Variants in ITGB8 observed in about 807,000 individuals in gnomAD.
ITGB8 encodes integrin subunit beta 8.
A neutral mutation model predicts 89.5 loss-of-function variants in ITGB8; 30 were observed. The observed-to-expected ratio is 0.34, with a 90% CI of 0.25 to 0.45. The LOEUF (loss-of-function observed/expected upper bound fraction) is 0.45, where lower values mean the gene tolerates loss of function less well. ITGB8 is among the 20% of genes least tolerant of loss of function. The pLI is 1.00. For missense variants in ITGB8, 836 were observed against 933.3 expected, an observed-to-expected ratio of 0.90 and a Z score of 1.36; for synonymous variants, 335 against 320.4, an observed-to-expected ratio of 1.05 and a Z score of -0.49.
At chr7:20,407,199 G>A (rs937839678) in intron 12 of ITGB8, among the ~76,000 whole-genome samples, 1 of 152,052 alleles carries the variant, frequency 6.6e-6, no homozygotes, top group Non-Finnish European at 1.5e-5. Flanking sequence ...CAGCTGTGTA[G>A]ATGAGAGGGG....
At position 20,407,262 on chromosome 7, in the gene ITGB8, TA is replaced by T. The variant is rs374247215; in HGVS notation, c.2023+1097del. On this transcript the variant is annotated intron_variant, in intron 12 of 13. Coordinates refer to ENST00000222573, the MANE Select transcript of ITGB8 (RefSeq NM_002214.3). Reference sequence around the variant, plus strand: ...CAAGCATACTCATCTCTGGGAGATTTAAAAAACTGAATCGCAAACTCATTAT... The same window carrying T: ...CAAGCATACTCATCTCTGGGAGATTTAAAAACTGAATCGCAAACTCATTAT... Among the ~76,000 whole-genome samples the T allele has an allele frequency of 2.7e-4, 31 of 113,094 alleles. No homozygotes were observed. In the East Asian group the frequency reaches 3.9e-3, roughly 14 times the overall value. The allele number at this position is 113,094 out of a possible 152,430, so 74.2% of individuals were successfully genotyped here. A position where few individuals can be genotyped will look rare whatever the true frequency, so the allele number is the denominator to read the frequency against.
chr7:20,349,346 G>A (rs771218303), intron 1 of ITGB8, among the ~76,000 whole-genome samples: 1 of 151,536 alleles, frequency 6.6e-6, no homozygotes, highest in Non-Finnish European at 1.5e-5. Flanking sequence ...TGGTGCTGAA[G>A]TAATTGCGGT....
chr7:20,405,817 T>A (rs970075777), intron 11 of ITGB8, among the ~76,000 whole-genome samples: 1 of 152,222 alleles, frequency 6.6e-6, no homozygotes, highest in Non-Finnish European at 1.5e-5. Flanking sequence ...TTATTCAACA[T>A]TTTAAACCAT....
intron 6 of ITGB8, among the ~76,000 whole-genome samples, chr7:20,382,311 G>C (rs1237958178): frequency 1.3e-5 from 2 of 152,132 alleles, no homozygotes; most frequent in Non-Finnish European, 2.9e-5. Flanking sequence ...AGGGAAAAAA[G>C]ACAAGAGAGA....
At position 20,363,822 on chromosome 7, in the gene ITGB8, TAAAG is replaced by T. The variant is rs1489467673; in HGVS notation, c.213+102_213+105del. ...TGCCTTGAAGGTGCATCAGGAAAAA[TAAAG>T]ATACTGCTGAACATAAGGAAAATTT... is the stretch of plus-strand genomic sequence containing the variant. On this transcript the variant is annotated intron_variant, in intron 2 of 13. Transcript: ENST00000222573. The T allele has an allele frequency of 1.5e-4, 84 of 555,374 alleles. No homozygotes were observed. The African/African-American group carries it at 1.5e-3, about 10-fold the overall frequency. The allele number at this position is 555,374 out of a possible 1,614,324, so 34.4% of individuals were successfully genotyped here.
intron 3 of ITGB8, among the ~76,000 whole-genome samples, chr7:20,369,430 T>G (rs946236413): frequency 6.6e-6 from 1 of 152,112 alleles, no homozygotes; most frequent in Non-Finnish European, 1.5e-5. Context: ...AGAGAGAAAG[T>G]GATCAAGAGA....
intron 1 of ITGB8, among the ~76,000 whole-genome samples, chr7:20,338,114 C>T (rs1287368181): frequency 6.6e-6 from 1 of 152,194 alleles, no homozygotes; most frequent in African/African-American, 2.4e-5. Context: ...TGCCCAGTTC[C>T]TAACTAGAAA....
intron 1 of ITGB8, among the ~76,000 whole-genome samples, chr7:20,361,641 G>C (rs1056375555): frequency 6.6e-6 from 1 of 152,134 alleles, no homozygotes; most frequent in Non-Finnish European, 1.5e-5. Context: ...AATTTGGGGG[G>C]ACACACTCAG....
intron 1 of ITGB8, among the ~76,000 whole-genome samples, chr7:20,341,881 G>C (rs528510482): frequency 6.7e-6 from 1 of 148,524 alleles, no homozygotes; most frequent in South Asian, 2.1e-4. Flanking sequence ...TTAGGTATAT[G>C]TTTGAGTTAA....
At chr7:20,332,268 C>T (rs1784430251) in intron 1 of ITGB8, among the ~76,000 whole-genome samples, 1 of 152,180 alleles carries the variant, frequency 6.6e-6, no homozygotes, top group Admixed American at 6.5e-5. Flanking sequence ...TTAAGGGCAT[C>T]GTCTGTACAC....
At chr7:20,370,121 AAAG>A (rs1182831748) in intron 3 of ITGB8, among the ~76,000 whole-genome samples, 4 of 151,930 alleles carry the variant, frequency 2.6e-5, no homozygotes, top group Non-Finnish European at 4.4e-5. Flanking sequence ...AATAGGAAAA[AAAG>A]AATAAAATGG....
chr7:20,398,781 A>G, intron 8 of ITGB8, 79 bp from the exon 9 acceptor site: 3 of 1,033,986 alleles, frequency 2.9e-6, no homozygotes, highest in Non-Finnish European at 4.0e-6. Flanking sequence ...ATCTATAATG[A>G]TTTAATAAGC....
At chr7:20,357,693 A>T (rs575966711) in intron 1 of ITGB8, among the ~76,000 whole-genome samples, 2 of 152,268 alleles carry the variant, frequency 1.3e-5, no homozygotes, top group South Asian at 2.1e-4. Flanking sequence ...GAGGAGATGG[A>T]GACTTGGAGA....
At chr7:20,355,585 A>G (rs1785265691) in intron 1 of ITGB8, among the ~76,000 whole-genome samples, 1 of 152,216 alleles carries the variant, frequency 6.6e-6, no homozygotes, top group African/African-American at 2.4e-5. Flanking sequence ...GTTTTCACTA[A>G]ACATAAATAC....
At chr7:20,389,659 T>C (rs1786774137) in intron 6 of ITGB8, among the ~76,000 whole-genome samples, 1 of 152,168 alleles carries the variant, frequency 6.6e-6, no homozygotes. Flanking sequence ...AAAGCAAAAA[T>C]ACTTGAAAAG....
intron 5 of ITGB8, chr7:20,381,525 A>C (rs1163142759): frequency 1.3e-5 from 6 of 467,672 alleles, no homozygotes; most frequent in Non-Finnish European, 1.9e-5. Context: ...CTAGCCAGGA[A>C]CTAGTGTGGT....
Position 20,379,316 on chromosome 7 carries a change from G to A in ITGB8, c.635+19G>A, listed in dbSNP as rs1786278349. The A allele has an allele frequency of 7.0e-7, 1 of 1,435,362 alleles. No individual in the cohort carries two copies. Among genetic ancestry groups the A allele is most frequent in the African/African-American group, 1.5e-5 (1 of 68,418 alleles). The allele number at this position is 1,435,362 out of a possible 1,614,324, so 88.9% of individuals were successfully genotyped here. A position where few individuals can be genotyped will look rare whatever the true frequency, so the allele number is the denominator to read the frequency against. On this transcript the variant is annotated intron_variant, in intron 4 of 13. Coordinates refer to ENST00000222573, the MANE Select transcript of ITGB8 (RefSeq NM_002214.3). ...AATGCAGGTATCTAGGGTTTGATGT[G>A]GATATGCTAAATTAATTTTTTGCTT...
Position 20,398,960 on chromosome 7 carries a change from T to C in ITGB8, c.1247T>C (p.Met416Thr). The C allele has an allele frequency of 6.2e-7, 1 of 1,613,650 alleles. No homozygotes were observed. Among genetic ancestry groups the C allele is most frequent in the South Asian group, 1.1e-5 (1 of 90,950 alleles). ...CCAGATGGGTCCAGAAAGCCAGGCA[T>C]GGAAGGATGCAGAAACGTGACGAGC... ...ICPDGSRKPG[M>T]EGCRNVTSND... The change falls in exon 9 of 14, where the codon ATG becomes ACG. Residue 416 changes from methionine to threonine, a missense_variant. Met to Thr is a moderately conservative substitution (Grantham distance 81). Coordinates refer to ENST00000222573, the MANE Select transcript of ITGB8 (RefSeq NM_002214.3).
chr7:20,335,747 G>A (rs1158005623), intron 1 of ITGB8, among the ~76,000 whole-genome samples: 2 of 152,054 alleles, frequency 1.3e-5, no homozygotes, highest in African/African-American at 2.4e-5. Context: ...TAAGATCAGG[G>A]TAACCTCCAC....
Sources: gnomAD v4.1 joint callset for allele counts (sites outside exome capture counted in the v4.1 genomes callset) on GRCh38, gnomAD v4.1.1 for gene constraint, MANE v1.5 for transcripts, NCBI Gene and HGNC (gene_info 2026-07-23, HGNC 2026-07-21) for gene names.